The following SIPA1L1 variants were observed in gnomAD, a reference collection of about 807,000 sequenced individuals.
SIPA1L1 encodes the protein signal induced proliferation associated 1 like 1, also known as signal-induced proliferation-associated 1-like protein 1.
SIPA1L1 carries 26 observed loss-of-function variants against 162.7 expected under a neutral mutation model. That is an observed-to-expected ratio of 0.16 (90% CI 0.12 to 0.22). SIPA1L1 has a LOEUF of 0.22. SIPA1L1 is among the 10% of genes least tolerant of loss of function. SIPA1L1 has a pLI of 1.00. For missense variants in SIPA1L1, 1,874 were observed against 2,241.0 expected (o/e 0.84, Z 3.31); for synonymous variants, 829 against 837.4 (o/e 0.99, Z 0.17).
chr14:71,498,167 CTA>C (rs1186037361), intron 2 of SIPA1L1, among the ~76,000 whole-genome samples: 3 of 152,110 alleles, frequency 2.0e-5, no homozygotes, highest in Admixed American at 6.6e-5. Context: ...TTTAAATTTG[CTA>C]TGTTAACCTT....
chr14:71,387,452 A>C (rs2040427812), intron 2 of SIPA1L1, among the ~76,000 whole-genome samples: 1 of 152,118 alleles, frequency 6.6e-6, no homozygotes, highest in Admixed American at 6.5e-5. Flanking sequence ...TCTAAGGAAC[A>C]AAAGAAAAAA....
At chr14:71,432,595 A>G (rs535322763) in intron 2 of SIPA1L1, among the ~76,000 whole-genome samples, 5 of 152,310 alleles carry the variant, frequency 3.3e-5, no homozygotes, top group African/African-American at 1.2e-4. Context: ...GGTTTCTATG[A>G]TCTGCCTTGG....
intron 12 of SIPA1L1, among the ~76,000 whole-genome samples, chr14:71,678,172 G>A (rs1022221687): frequency 4.6e-5 from 7 of 152,116 alleles, no homozygotes; most frequent in East Asian, 1.9e-4. Context: ...AACTTCCAAC[G>A]CTATGTTGAA....
chr14:71,719,904 G>A (rs1402406956), intron 17 of SIPA1L1, among the ~76,000 whole-genome samples: 1 of 152,190 alleles, frequency 6.6e-6, no homozygotes, highest in African/African-American at 2.4e-5. Flanking sequence ...TCTTACATTA[G>A]TGTAGTACAT....
chr14:71,396,513 T>C (rs1406706615), intron 2 of SIPA1L1, among the ~76,000 whole-genome samples: 1 of 152,194 alleles, frequency 6.6e-6, no homozygotes, highest in Non-Finnish European at 1.5e-5. Flanking sequence ...TTGTGTGTTT[T>C]TTCTCAGTTC....
chr14:71,409,911 G>T (rs2042288473), intron 2 of SIPA1L1, among the ~76,000 whole-genome samples: 1 of 152,154 alleles, frequency 6.6e-6, no homozygotes, highest in South Asian at 2.1e-4. Context: ...CATTTATAAG[G>T]TTTACGGGGC....
intron 5 of SIPA1L1, among the ~76,000 whole-genome samples, chr14:71,617,532 G>A (rs1480071996): frequency 6.6e-6 from 1 of 152,132 alleles, no homozygotes; most frequent in East Asian, 1.9e-4. Context: ...TAGTCTTAGA[G>A]AGCCCTCAAC....
chr14:71,539,462 A>G (rs545877912), intron 4 of SIPA1L1, among the ~76,000 whole-genome samples: 1 of 152,332 alleles, frequency 6.6e-6, no homozygotes, highest in Admixed American at 6.5e-5. Context: ...TATGACATAT[A>G]TTGCATTAAA....
In SIPA1L1 at chr14:71,644,242, A is replaced by AT. The variant is rs201207156; in HGVS notation, c.1819-6085dup. Among the ~76,000 whole-genome samples the AT allele has an allele frequency of 7.7e-4, 114 of 148,360 alleles. 1 individual carries two copies. The East Asian group carries it at 0.018, about 23-fold the overall frequency. On this transcript the variant is annotated intron_variant, in intron 7 of 23. Transcript: ENST00000381232. Reference sequence around the variant, plus strand: ...GAATCTTTCTTTTCCTTTTTCTTTAATTTTTTTTGAGACAGGGTTGCACTC... The same window carrying AT: ...GAATCTTTCTTTTCCTTTTTCTTTAATTTTTTTTTGAGACAGGGTTGCACTC...
At chr14:71,336,099 T>A (rs2035063761) in intron 2 of SIPA1L1, among the ~76,000 whole-genome samples, 2 of 152,262 alleles carry the variant, frequency 1.3e-5, no homozygotes. Flanking sequence ...CTGATGGCTA[T>A]TTATTTGAAC....
At position 71,732,148 on chromosome 14, in the gene SIPA1L1, C is replaced by T. The variant is rs1021534765; in HGVS notation, c.4862-1518C>T. Among the ~76,000 whole-genome samples the T allele has an allele frequency of 1.1e-3, 174 of 152,282 alleles. 1 individual carries two copies. The highest frequency in any genetic ancestry group is 4.0e-3 in the African/African-American group (165 of 41,540). On this transcript the variant is annotated intron_variant, in intron 20 of 23. Coordinates refer to ENST00000381232, the MANE Select transcript of SIPA1L1 (RefSeq NM_001386936.1). ...CTCATGATTTTGCTAATTTTGAGCA[C>T]AGTAATAACCAGCAGCTGTACTTCA... is the stretch of plus-strand genomic sequence containing the variant.
At chr14:71,507,966 T>A (rs1200466352) in intron 2 of SIPA1L1, among the ~76,000 whole-genome samples, 1 of 152,138 alleles carries the variant, frequency 6.6e-6, no homozygotes. Flanking sequence ...AGGAAATATT[T>A]TTCTACTGTA....
At chr14:71,444,505 A>G (rs1329924723) in intron 2 of SIPA1L1, among the ~76,000 whole-genome samples, 1 of 152,206 alleles carries the variant, frequency 6.6e-6, no homozygotes, top group Non-Finnish European at 1.5e-5. Context: ...ATGAATATCC[A>G]CCGAATTTTT....
chr14:71,320,805 C>A (rs1369847725), intron 1 of SIPA1L1, among the ~76,000 whole-genome samples: 3 of 151,860 alleles, frequency 2.0e-5, no homozygotes, highest in Non-Finnish European at 4.4e-5. Flanking sequence ...TGCTGGCGGG[C>A]GGGATGGGGG....
At chr14:71,512,364 C>T (rs1221613274) in intron 2 of SIPA1L1, among the ~76,000 whole-genome samples, 1 of 151,912 alleles carries the variant, frequency 6.6e-6, no homozygotes, top group Non-Finnish European at 1.5e-5. Context: ...AAAATATGTT[C>T]TTTCACGAGG....
chr14:71,387,196 T>C (rs540271448), intron 2 of SIPA1L1, among the ~76,000 whole-genome samples: 19 of 128,104 alleles, frequency 1.5e-4, no homozygotes, highest in African/African-American at 5.5e-4. Context: ...TGCAGTGAGC[T>C]GAGATCGCGC....
intron 7 of SIPA1L1, among the ~76,000 whole-genome samples, chr14:71,643,912 A>G (rs980556427): frequency 6.6e-6 from 1 of 151,214 alleles, no homozygotes; most frequent in Admixed American, 6.6e-5. Context: ...GGTTCAAGCA[A>G]TTCTCATGCC....
chr14:71,731,245 C>T (rs989940804), intron 20 of SIPA1L1, among the ~76,000 whole-genome samples: 1 of 152,190 alleles, frequency 6.6e-6, no homozygotes, highest in Non-Finnish European at 1.5e-5. Flanking sequence ...GAATGTTCCT[C>T]CATGTCTCTG....
chr14:71,668,076 A>AC (rs1335790259), intron 10 of SIPA1L1, among the ~76,000 whole-genome samples: 2 of 152,128 alleles, frequency 1.3e-5, no homozygotes, highest in African/African-American at 4.8e-5. Context: ...AAAAAAAAAA[A>AC]AGTCTTTGGA....
Sources: allele counts gnomAD v4.1 joint callset (sites outside exome capture counted in the v4.1 genomes callset), GRCh38; gene constraint gnomAD v4.1.1; transcripts MANE v1.5; gene names NCBI Gene and HGNC (gene_info 2026-07-23, HGNC 2026-07-21).